The following MRGPRE variants were observed in gnomAD, a reference collection of about 807,000 sequenced individuals.
MRGPRE encodes MAS related GPR family member E.
For synonymous variants in MRGPRE, 229 were observed against 206.7 expected (o/e 1.11, Z -0.92); for missense variants, 466 against 433.4 (o/e 1.08, Z -0.67).
At position 3,229,627 on chromosome 11, in the gene MRGPRE, T is replaced by C. The variant is rs893207774; in HGVS notation, c.-61-767A>G. 6.6e-6 allele frequency among the ~76,000 whole-genome samples: 1 copy of C among 152,206 alleles called. No individual in the cohort carries two copies. The highest frequency in any genetic ancestry group is 1.9e-4 in the East Asian group (1 of 5,196). Reference sequence around the variant, plus strand: ...TCATCTTAAAGCAGCCCTCAACTCTTTGAGGCCTTTCCTTGACATCCATGA... The same window carrying C: ...TCATCTTAAAGCAGCCCTCAACTCTCTGAGGCCTTTCCTTGACATCCATGA... On this transcript the variant is annotated intron_variant, in intron 1 of 1. Coordinates refer to ENST00000389832, the MANE Select transcript of MRGPRE (RefSeq NM_001039165.4). The surrounding 1 kb of genome is among the most constrained non-coding windows in gnomAD (Gnocchi z 4.4).
rs1847794713 is a variant in MRGPRE at position 3,228,666 on chromosome 11, A to G, written c.134T>C (p.Val45Ala). Reference sequence around the variant, plus strand: ...GACATTGGAGCTGAGCAGCCAGAGGACTGCCCCATTCCCCAGCAGCCCACC... The same window carrying G: ...GACATTGGAGCTGAGCAGCCAGAGGGCTGCCCCATTCCCCAGCAGCCCACC... ...GLGGLLGNGA[V>A]LWLLSSNVYR... Residue 45 changes from valine to alanine, a missense_variant, in exon 2 of 2, where the codon GTC becomes GCC. By Grantham distance (64) the Val-to-Ala change is moderately conservative. Coordinates refer to ENST00000389832, the MANE Select transcript of MRGPRE (RefSeq NM_001039165.4). 4 of 1,613,964 alleles carry G rather than the reference A, an allele frequency of 2.5e-6. No homozygotes were observed. Among genetic ancestry groups the G allele is most frequent in the Non-Finnish European group, 3.4e-6 (4 of 1,179,982 alleles).
Position 3,227,385 on chromosome 11 carries a change from G to A in MRGPRE, c.*476C>T, listed in dbSNP as rs4998520. On this transcript the variant is annotated 3_prime_UTR_variant, in exon 2 of 2. Coordinates refer to ENST00000389832, the MANE Select transcript of MRGPRE (RefSeq NM_001039165.4). ...TTAGCTTCCACAGCGGGCACAAGGC[G>A]AGCTGAGGGGATGGTTGTGTTATCT... Among the ~76,000 whole-genome samples, 11,054 of 152,192 alleles carry A rather than the reference G, an allele frequency of 0.073. 522 individuals carry two copies. The highest frequency in any genetic ancestry group is 0.16 in the East Asian group (846 of 5,158).
chr11:3,228,824 C>G lies in MRGPRE; in HGVS notation c.-25G>C. On this transcript the variant is annotated 5_prime_UTR_variant, in exon 2 of 2. Coordinates refer to ENST00000389832, the MANE Select transcript of MRGPRE (RefSeq NM_001039165.4). ...TGGGGCGGGGGGCCAGGGGATGCTG[C>G]AGGAGTGTGTTCTGCTCGCTCTCTC... is the stretch of plus-strand genomic sequence containing the variant. The G allele has an allele frequency of 6.4e-7, 1 of 1,573,730 alleles. No individual in the cohort carries two copies. The highest frequency in any genetic ancestry group is 8.7e-7 in the Non-Finnish European group (1 of 1,155,090).
rs1266982984 is a variant in MRGPRE, at chr11:3,228,903, C to T, written c.-61-43G>A. On this transcript the variant is annotated intron_variant, in intron 1 of 1. Coordinates refer to ENST00000389832, the MANE Select transcript of MRGPRE (RefSeq NM_001039165.4). ...TGAGTCTGGGGCTCAGGAATCCATGCCCCCTGCTCCTCCCCACATCAGGGG... is the reference window on the plus strand; with the variant it reads ...TGAGTCTGGGGCTCAGGAATCCATGTCCCCTGCTCCTCCCCACATCAGGGG... The T allele has an allele frequency of 3.4e-6, 3 of 893,652 alleles. No homozygotes were observed. The East Asian group carries it at 8.0e-5, about 24-fold the overall frequency. The allele number at this position is 893,652 out of a possible 1,614,324, so 55.4% of individuals were successfully genotyped here.
rs1213046803 is a variant in MRGPRE, at chr11:3,230,639, G to A, written c.-62+1502C>T. Among the ~76,000 whole-genome samples, 1 of 152,082 alleles carries A rather than the reference G, an allele frequency of 6.6e-6. No individual in the cohort carries two copies. Among genetic ancestry groups the A allele is most frequent in the Non-Finnish European group, 1.5e-5 (1 of 67,992 alleles). ...TGTCCCCGCCTCAGGGGTGGGCATGGGGGTGGGGGGCTCAGTGGAGAGGAG... is the reference window on the plus strand; with the variant it reads ...TGTCCCCGCCTCAGGGGTGGGCATGAGGGTGGGGGGCTCAGTGGAGAGGAG... On this transcript the variant is annotated intron_variant, in intron 1 of 1. Transcript: ENST00000389832. The surrounding 1 kb of genome is among the most constrained non-coding windows in gnomAD (Gnocchi z 5.5).
At position 3,231,094 on chromosome 11, in the gene MRGPRE, T is replaced by G. The variant is rs1485680158; in HGVS notation, c.-62+1047A>C. Among the ~76,000 whole-genome samples the G allele has an allele frequency of 5.9e-5, 9 of 152,072 alleles. No individual in the cohort carries two copies. ...CCCATGGACGGAGCTATCTCCGGGATCTACCAGCAAGCTCCAGCCCCAAAG... is the reference window on the plus strand; with the variant it reads ...CCCATGGACGGAGCTATCTCCGGGAGCTACCAGCAAGCTCCAGCCCCAAAG... On this transcript the variant is annotated intron_variant, in intron 1 of 1. Coordinates refer to ENST00000389832, the MANE Select transcript of MRGPRE (RefSeq NM_001039165.4). The surrounding 1 kb of genome is among the most constrained non-coding windows in gnomAD (Gnocchi z 4.7).
In MRGPRE at chr11:3,225,048, G is replaced by A. The variant is rs1431861862; in HGVS notation, c.*2813C>T. Among the ~76,000 whole-genome samples the A allele has an allele frequency of 6.6e-6, 1 of 152,250 alleles. No homozygotes were observed. The highest frequency in any genetic ancestry group is 1.5e-5 in the Non-Finnish European group (1 of 68,046). ...GCCGTGGTCATGTTTTAAGTGTGAT[G>A]TTTGGTTTTATTTTTCCAGCGTGTG... is the stretch of plus-strand genomic sequence containing the variant. On this transcript the variant is annotated 3_prime_UTR_variant, in exon 2 of 2. Coordinates refer to ENST00000389832, the MANE Select transcript of MRGPRE (RefSeq NM_001039165.4).
In MRGPRE at chr11:3,228,602, G is replaced by A; in HGVS notation, c.198C>T (p.Ala66=). The A allele has an allele frequency of 6.2e-7, 1 of 1,614,066 alleles. No individual in the cohort carries two copies. Among genetic ancestry groups the A allele is most frequent in the Non-Finnish European group, 8.5e-7 (1 of 1,179,996 alleles). ...NPFAIYLLDV[A]CADLIFLGCH... is the part of the protein sequence containing the mutation. ...AGCCAAGGAAGATGAGATCCGCGCA[G>A]GCCACGTCCAGGAGGTAGATGGCGA... The change falls in exon 2 of 2, where the codon GCC becomes GCT. Residue 66 remains alanine, a synonymous_variant. Coordinates refer to ENST00000389832, the MANE Select transcript of MRGPRE (RefSeq NM_001039165.4).
At position 3,229,206 on chromosome 11, in the gene MRGPRE, A is replaced by T. The variant is rs7396988; in HGVS notation, c.-61-346T>A. 0.093 allele frequency among the ~76,000 whole-genome samples: 12,265 copies of T among 132,024 alleles called. 734 individuals are homozygous for T. The highest frequency in any genetic ancestry group is 0.14 in the East Asian group (634 of 4,504). 86.6% of individuals were successfully genotyped at this position (132,024 alleles called of 152,430 possible). On this transcript the variant is annotated intron_variant, in intron 1 of 1. Transcript: ENST00000389832. The surrounding 1 kb of genome is among the most constrained non-coding windows in gnomAD (Gnocchi z 4.4). ...TTGCTAGTGGTGCCTTGATCCTCAG[A>T]ATGGGCTTTTTTTTTTTTTTTTTTT...
rs556998586 is a variant in MRGPRE at position 3,230,083 on chromosome 11, G to A, written c.-61-1223C>T. Among the ~76,000 whole-genome samples the A allele has an allele frequency of 1.3e-5, 2 of 152,324 alleles. No individual in the cohort carries two copies. Among genetic ancestry groups the A allele is most frequent in the East Asian group, 3.9e-4 (2 of 5,188 alleles). On this transcript the variant is annotated intron_variant, in intron 1 of 1. Coordinates refer to ENST00000389832, the MANE Select transcript of MRGPRE (RefSeq NM_001039165.4). This position sits in a 1 kb window ranked among gnomAD's most constrained non-coding sequence, Gnocchi z 5.5. ...AGTAATAGACTCTAGGAGACTGCCA[G>A]GTGCTCAGAGCCGGAGACATGCCTG...
rs60799467 is a variant in MRGPRE at position 3,229,212 on chromosome 11, CTTTTTTTT to C, written c.-61-360_-61-353del. On this transcript the variant is annotated intron_variant, in intron 1 of 1. Transcript: ENST00000389832. The surrounding 1 kb of genome is among the most constrained non-coding windows in gnomAD (Gnocchi z 4.4). ...GTGGTGCCTTGATCCTCAGAATGGG[CTTTTTTTT>C]TTTTTTTTTTTTTTTTTTTTTGGAG... Among the ~76,000 whole-genome samples, 459 of 126,434 alleles carry C rather than the reference CTTTTTTTT, an allele frequency of 3.6e-3. 4 individuals carry two copies. The highest frequency in any genetic ancestry group is 6.3e-3 in the Non-Finnish European group (384 of 61,402). The allele number at this position is 126,434 out of a possible 152,430, so 82.9% of individuals were successfully genotyped here. A position where few individuals can be genotyped will look rare whatever the true frequency, so the allele number is the denominator to read the frequency against.
chr11:3,228,135 G>C lies in MRGPRE; in HGVS notation c.665C>G (p.Thr222Ser), dbSNP rs199635481. Reference sequence around the variant, plus strand: ...GCCGCAGAAGAGGAAGAGGAGGACGGTGAGGAGGATGAGCCCAGGGAAGCC... The same window carrying C: ...GCCGCAGAAGAGGAAGAGGAGGACGCTGAGGAGGATGAGCCCAGGGAAGCC... ...PRGFPGLILLTVLLFLFCGLP... is the reference protein window; with the variant it reads ...PRGFPGLILLSVLLFLFCGLP... The change falls in exon 2 of 2, where the codon ACC becomes AGC. Residue 222 changes from threonine to serine, a missense_variant. Thr to Ser is a moderately conservative substitution (Grantham distance 58). Transcript: ENST00000389832. The C allele has an allele frequency of 3.8e-6, 6 of 1,585,638 alleles. No homozygotes were observed. The highest frequency in any genetic ancestry group is 1.3e-5 in the African/African-American group (1 of 74,734).
In MRGPRE at chr11:3,229,906, C is replaced by T. The variant is rs1053799004; in HGVS notation, c.-61-1046G>A. ...TGGGAGGGGCCCTGAGCTTCCATGGCGTCTCCAGCCTCCCTCCATCCCCTC... is the reference window on the plus strand; with the variant it reads ...TGGGAGGGGCCCTGAGCTTCCATGGTGTCTCCAGCCTCCCTCCATCCCCTC... On this transcript the variant is annotated intron_variant, in intron 1 of 1. Coordinates refer to ENST00000389832, the MANE Select transcript of MRGPRE (RefSeq NM_001039165.4). This position sits in a 1 kb window ranked among gnomAD's most constrained non-coding sequence, Gnocchi z 4.4. Among the ~76,000 whole-genome samples, 4 of 152,164 alleles carry T rather than the reference C, an allele frequency of 2.6e-5. No homozygotes were observed. Among genetic ancestry groups the T allele is most frequent in the African/African-American group, 4.8e-5 (2 of 41,448 alleles).
chr11:3,228,219 C>T lies in MRGPRE; in HGVS notation c.581G>A (p.Gly194Glu), dbSNP rs1265127263. The change falls in exon 2 of 2, where the codon GGG becomes GAG. Residue 194 changes from glycine (G) to glutamate (E), a missense_variant. Gly to Glu is a moderately conservative substitution (Grantham distance 98, BLOSUM62 -2). Coordinates refer to ENST00000389832, the MANE Select transcript of MRGPRE (RefSeq NM_001039165.4). ...LLALLCCTMC[G>E]ASLMLLLRVE... ...CCGCAGCAGCAGCATAAGGCTGGCC[C>T]CACACATGGTGCAACACAGCAGAGC... is the stretch of plus-strand genomic sequence containing the variant. 2.1e-5 allele frequency: 33 copies of T among 1,556,034 alleles called. No individual in the cohort carries two copies. The highest frequency in any genetic ancestry group is 1.8e-4 in the Middle Eastern group (1 of 5,696).
At position 3,228,616 on chromosome 11, in the gene MRGPRE, G is replaced by A. The variant is rs1377288169; in HGVS notation, c.184C>T (p.Leu62Phe). ...NVYRNPFAIY[L>F]LDVACADLIF... ...AGATCCGCGCAGGCCACGTCCAGGA[G>A]GTAGATGGCGAAGGGGTTTCTGTAG... The change falls in exon 2 of 2, where the codon CTC becomes TTC. Residue 62 changes from leucine to phenylalanine, a missense_variant. By Grantham distance (22) the Leu-to-Phe change is conservative. Coordinates refer to ENST00000389832, the MANE Select transcript of MRGPRE (RefSeq NM_001039165.4). 3 of 1,614,104 alleles carry A rather than the reference G, an allele frequency of 1.9e-6. No individual in the cohort carries two copies. Among genetic ancestry groups the A allele is most frequent in the Non-Finnish European group, 1.7e-6 (2 of 1,180,006 alleles).
Position 3,232,318 on chromosome 11 carries a change from T to C in MRGPRE, c.-239A>G, listed in dbSNP as rs541001997. 1.3e-5 allele frequency: 2 copies of C among 152,474 alleles called. No homozygotes were observed. Among genetic ancestry groups the C allele is most frequent in the African/African-American group, 4.8e-5 (2 of 41,584 alleles). The allele number at this position is 152,474 out of a possible 1,614,324, so 9.4% of individuals were successfully genotyped here. A position where few individuals can be genotyped will look rare whatever the true frequency, so the allele number is the denominator to read the frequency against. On this transcript the variant is annotated 5_prime_UTR_variant, in exon 1 of 2. Transcript: ENST00000389832. ...GAATGGGGCCGGTCAGGAAGGTGTC[T>C]CTCTGAGGACCCCTTCTCTTCCGCT...
rs1422152241 is a variant in MRGPRE at position 3,228,347 on chromosome 11, G to A, written c.453C>T (p.Cys151=). The A allele has an allele frequency of 1.9e-6, 3 of 1,571,740 alleles. No homozygotes were observed. Among genetic ancestry groups the A allele is most frequent in the Admixed American group, 3.7e-5 (2 of 53,386 alleles). Residue 151 remains cysteine, a synonymous_variant, in exon 2 of 2, where the codon TGC becomes TGT. Coordinates refer to ENST00000389832, the MANE Select transcript of MRGPRE (RefSeq NM_001039165.4). ...CGCTGAGCAGCAGGTGCAGCAGCAGGCAGAGGGCCCAGGTGAGGGCGCACA... is the reference window on the plus strand; with the variant it reads ...CGCTGAGCAGCAGGTGCAGCAGCAGACAGAGGGCCCAGGTGAGGGCGCACA... ...TCVCALTWAL[C]LLLHLLLSGA...
At position 3,228,386 on chromosome 11, in the gene MRGPRE, G is replaced by C; in HGVS notation, c.414C>G (p.His138Gln). ...PAWYSCRRPR[H>Q]LTTCVCALTW... ...TGAGGGCGCACACACAGGTGGTCAGGTGGCGTGGGCGGCGGCACGAGTACC... is the reference window on the plus strand; with the variant it reads ...TGAGGGCGCACACACAGGTGGTCAGCTGGCGTGGGCGGCGGCACGAGTACC... Residue 138 changes from histidine (H) to glutamine (Q), a missense_variant, in exon 2 of 2, where the codon CAC (histidine) becomes CAG (glutamine). His to Gln is a conservative substitution (Grantham distance 24, BLOSUM62 0). Coordinates refer to ENST00000389832, the MANE Select transcript of MRGPRE (RefSeq NM_001039165.4). 3 of 1,595,532 alleles carry C rather than the reference G, an allele frequency of 1.9e-6. No homozygotes were observed. Among genetic ancestry groups the C allele is most frequent in the Non-Finnish European group, 1.7e-6 (2 of 1,173,238 alleles).
rs1246332180 is a variant in MRGPRE at position 3,228,766 on chromosome 11, C to T, written c.34G>A (p.Gly12Arg). Residue 12 changes from glycine to arginine, a missense_variant, in exon 2 of 2, where the codon GGG becomes AGG. By Grantham distance (125) the Gly-to-Arg change is moderately radical (BLOSUM62 -2). Coordinates refer to ENST00000389832, the MANE Select transcript of MRGPRE (RefSeq NM_001039165.4). ...MEPREAGQHV[G>R]AANGAQEDVA... ...TCCTCCTGGGCGCCGTTGGCGGCCC[C>T]CACGTGCTGTCCAGCTTCTCTGGGC... 8.1e-6 allele frequency: 13 copies of T among 1,611,450 alleles called. No individual in the cohort carries two copies. Among genetic ancestry groups the T allele is most frequent in the Non-Finnish European group, 1.1e-5 (13 of 1,178,618 alleles).
Sources: gnomAD v4.1 joint callset for allele counts (sites outside exome capture counted in the v4.1 genomes callset) on GRCh38, gnomAD v4.1.1 for gene constraint, Gnocchi (gnomAD v3.1) non-coding constraint, MANE v1.5 for transcripts, NCBI Gene and HGNC (gene_info 2026-07-23, HGNC 2026-07-21) for gene names.